GSG1L: variants seen among roughly 807,000 people sequenced by gnomAD.
The protein encoded by GSG1L is germ cell-specific gene 1-like protein.
A neutral mutation model predicts 42.1 loss-of-function variants in GSG1L; 24 were observed. The ratio of observed to expected loss-of-function variants is 0.57; its 90% confidence interval spans 0.41 to 0.80. The LOEUF (loss-of-function observed/expected upper bound fraction) is 0.80. Ranked by LOEUF, GSG1L falls within the 30% of genes least tolerant of loss-of-function variation. GSG1L has a pLI of 0.00. For synonymous variants in GSG1L, 215 were observed against 203.5 expected, an observed-to-expected ratio of 1.06 and a Z score of -0.48; for missense variants, 445 against 472.2, an observed-to-expected ratio of 0.94 and a Z score of 0.53.
chr16:27,831,657 G>C (rs1219142500), intron 4 of GSG1L, among the ~76,000 whole-genome samples: 3 of 152,170 alleles, frequency 2.0e-5, no homozygotes, highest in African/African-American at 7.2e-5. Flanking sequence ...TAGAGCCCAA[G>C]GGCCCCAGAA....
chr16:28,009,304 T>C (rs1190590913), intron 1 of GSG1L, among the ~76,000 whole-genome samples: 3 of 152,162 alleles, frequency 2.0e-5, no homozygotes, highest in Non-Finnish European at 2.9e-5. Flanking sequence ...TCACCCCAGA[T>C]ACCTTTGGAG....
At chr16:27,813,098 A>G (rs1198044085) in intron 5 of GSG1L, among the ~76,000 whole-genome samples, 1 of 151,976 alleles carries the variant, frequency 6.6e-6, no homozygotes, top group Non-Finnish European at 1.5e-5. Context: ...ATTCTTTTTA[A>G]CTTGCATTTT....
At position 27,828,782 on chromosome 16, in the gene GSG1L, C is replaced by T; in HGVS notation, c.830+7G>A. 1 of 1,613,286 alleles carries T rather than the reference C, an allele frequency of 6.2e-7. No homozygotes were observed. The highest frequency in any genetic ancestry group is 8.5e-7 in the Non-Finnish European group (1 of 1,179,412). On this transcript the variant is annotated splice_region_variant and intron_variant, in intron 5 of 6. Transcript: ENST00000447459. ...TGGTGGCCAGAGGTAACCCCCTGTG[C>T]ACTGACCTCTCCCGGAAGTACTTGA... is the stretch of plus-strand genomic sequence containing the variant.
chr16:27,883,494 T>C (rs912769230), intron 3 of GSG1L, among the ~76,000 whole-genome samples: 12 of 152,328 alleles, frequency 7.9e-5, no homozygotes, highest in African/African-American at 1.9e-4. Flanking sequence ...TCTAACTTCT[T>C]GAATGCAGCT....
At chr16:27,943,101 C>T (rs12448274) in intron 2 of GSG1L, among the ~76,000 whole-genome samples, 20,377 of 152,018 alleles carry the variant, frequency 0.13, 1,713 homozygotes, top group Non-Finnish European at 0.19. Context: ...GTCACCCAGG[C>T]TAGAGTGCAC....
intron 2 of GSG1L, among the ~76,000 whole-genome samples, chr16:27,951,972 A>AC (rs2084955230): frequency 1.3e-5 from 2 of 152,200 alleles, no homozygotes. Flanking sequence ...AATGAAACCT[A>AC]CAAGCTTTGG....
chr16:27,802,783 T>C (rs1469491348), intron 6 of GSG1L, among the ~76,000 whole-genome samples: 2 of 151,902 alleles, frequency 1.3e-5, no homozygotes, highest in Admixed American at 1.3e-4. Flanking sequence ...GCCTCCAGAG[T>C]AGCTGAGAAT....
intron 1 of GSG1L, among the ~76,000 whole-genome samples, chr16:28,012,445 T>A (rs1396218934): frequency 6.6e-6 from 1 of 152,134 alleles, no homozygotes; most frequent in South Asian, 2.1e-4. Flanking sequence ...GGTGACAATA[T>A]TGATTAAATA....
intron 2 of GSG1L, among the ~76,000 whole-genome samples, chr16:27,925,573 A>G (rs1432617109): frequency 1.3e-5 from 2 of 152,186 alleles, no homozygotes; most frequent in African/African-American, 4.8e-5. Flanking sequence ...CTGGCTATGG[A>G]TAAAAGATGC....
chr16:27,874,574 C>T (rs1480440829), intron 3 of GSG1L, among the ~76,000 whole-genome samples: 1 of 151,142 alleles, frequency 6.6e-6, no homozygotes, highest in Non-Finnish European at 1.5e-5. Flanking sequence ...CCTCAGCCTA[C>T]CAAGTATCTG....
chr16:27,977,942 A>T (rs1216354595), intron 1 of GSG1L, among the ~76,000 whole-genome samples: 2 of 152,212 alleles, frequency 1.3e-5, no homozygotes, highest in African/African-American at 4.8e-5. Context: ...TTGCAGCATG[A>T]GAATCAAACA....
intron 3 of GSG1L, among the ~76,000 whole-genome samples, chr16:27,875,400 A>G (rs533471536): frequency 1.3e-5 from 2 of 150,000 alleles, no homozygotes; most frequent in Non-Finnish European, 3.0e-5. Context: ...ATCCTTTTCC[A>G]CTCTCCCACC....
In GSG1L at chr16:27,844,982, T is replaced by C; in HGVS notation, c.630A>G (p.Arg210=). 1 of 1,612,452 alleles carries C rather than the reference T, an allele frequency of 6.2e-7. No individual in the cohort carries two copies. Among genetic ancestry groups the C allele is most frequent in the Non-Finnish European group, 8.5e-7 (1 of 1,178,982 alleles). ...ACCACCCGTAGTCCCAGGAATGGGG[T>C]CTCCAGTCCTCAGGACCGAGGCTCA... ...VTVSLGPEDW[R]PHSWDYGWSF... Residue 210 remains arginine (R), a synonymous_variant, in exon 4 of 7, where the codon AGA becomes AGG. Transcript: ENST00000447459.
At chr16:27,912,023 T>G (rs936011657) in intron 2 of GSG1L, among the ~76,000 whole-genome samples, 1 of 152,180 alleles carries the variant, frequency 6.6e-6, no homozygotes, top group Non-Finnish European at 1.5e-5. Flanking sequence ...GTTGAATAAA[T>G]GAATGATTTG....
At chr16:28,009,010 T>C (rs1315536782) in intron 1 of GSG1L, among the ~76,000 whole-genome samples, 1 of 152,188 alleles carries the variant, frequency 6.6e-6, no homozygotes, top group Non-Finnish European at 1.5e-5. Flanking sequence ...GGTTTCGTCA[T>C]GTTGGCCAGT....
intron 2 of GSG1L, among the ~76,000 whole-genome samples, chr16:27,902,297 G>A (rs909665502): frequency 2.6e-5 from 4 of 152,182 alleles, no homozygotes; most frequent in Non-Finnish European, 5.9e-5. Flanking sequence ...ACTGCTTCCA[G>A]GAGAAGGGAG....
chr16:27,866,509 A>G (rs966576039), intron 3 of GSG1L, among the ~76,000 whole-genome samples: 1 of 152,148 alleles, frequency 6.6e-6, no homozygotes, highest in Non-Finnish European at 1.5e-5. Context: ...TGTTGAGGCC[A>G]GGATCCACAC....
intron 2 of GSG1L, among the ~76,000 whole-genome samples, chr16:27,954,510 GC>G (rs1248651553): frequency 6.6e-6 from 1 of 152,062 alleles, no homozygotes; most frequent in Non-Finnish European, 1.5e-5. Flanking sequence ...TACCTCCCAG[GC>G]CCCCCATTTG....
At chr16:27,911,824 C>G (rs550950394) in intron 2 of GSG1L, among the ~76,000 whole-genome samples, 1 of 152,142 alleles carries the variant, frequency 6.6e-6, no homozygotes, top group African/African-American at 2.4e-5. Context: ...GCCTCAGCCC[C>G]GCTTTACTTT....
Sources: allele counts gnomAD v4.1 joint callset (sites outside exome capture counted in the v4.1 genomes callset), GRCh38; gene constraint gnomAD v4.1.1; transcripts MANE v1.5; gene names NCBI Gene and HGNC (gene_info 2026-07-23, HGNC 2026-07-21).